BPNT2: variants seen among roughly 807,000 people sequenced by gnomAD.
BPNT2 encodes 3'(2'), 5'-bisphosphate nucleotidase 2, also known as Golgi-resident adenosine 3',5'-bisphosphate 3'-phosphatase.
BPNT2 carries 11 observed loss-of-function variants against 29.3 expected under a neutral mutation model. That is an observed-to-expected ratio of 0.38 (90% CI 0.24 to 0.62). The LOEUF (loss-of-function observed/expected upper bound fraction) is 0.62, where lower values mean the gene tolerates loss of function less well. Among genes scored for constraint, BPNT2 ranks in the 20% least tolerant of loss-of-function variants. The pLI is 0.62. For synonymous variants in BPNT2, 195 were observed against 187.7 expected (o/e 1.04, Z -0.32); for missense variants, 459 against 473.4 (o/e 0.97, Z 0.28).
At chr8:56,986,306 G>GA (rs1806326113) in intron 1 of BPNT2, among the ~76,000 whole-genome samples, 1 of 152,136 alleles carries the variant, frequency 6.6e-6, no homozygotes, top group African/African-American at 2.4e-5. Context: ...GGGGAAATAG[G>GA]AAAAATAATT....
In BPNT2 at chr8:56,966,401, A is replaced by G. The variant is rs547818894; in HGVS notation, c.647-49T>C. 5.7e-4 allele frequency: 862 copies of G among 1,519,670 alleles called. 9 individuals carry two copies. The South Asian group carries it at 7.1e-3, about 13-fold the overall frequency. 94.1% of individuals were successfully genotyped at this position (1,519,670 alleles called of 1,614,324 possible). ...TTAATGGCACTGAAGCTTTAAAACT[A>G]AAGGTTATATTCTTCAGAACCCAAA... is the stretch of plus-strand genomic sequence containing the variant. On this transcript the variant is annotated intron_variant, in intron 3 of 4. Transcript: ENST00000262644.
chr8:56,964,735 A>G (rs902975886), intron 4 of BPNT2, among the ~76,000 whole-genome samples: 1 of 152,240 alleles, frequency 6.6e-6, no homozygotes, highest in Non-Finnish European at 1.5e-5. Flanking sequence ...GGAATGACAT[A>G]TTATACACAC....
intron 4 of BPNT2, chr8:56,964,375 T>A: frequency 4.0e-6 from 1 of 247,226 alleles, no homozygotes; most frequent in Admixed American, 5.2e-5. Flanking sequence ...CTTGGCTCAC[T>A]GCAACCTCCA....
chr8:56,960,205 CCTTT>C lies in BPNT2; in HGVS notation c.*3584_*3587del, dbSNP rs1805809012. 1 of 152,184 alleles carries C rather than the reference CCTTT, an allele frequency of 6.6e-6. No homozygotes were observed. Among genetic ancestry groups the C allele is most frequent in the Non-Finnish European group, 1.5e-5 (1 of 68,044 alleles). The allele number at this position is 152,184 out of a possible 1,614,324, so 9.4% of individuals were successfully genotyped here. On this transcript the variant is annotated 3_prime_UTR_variant, in exon 5 of 5. Transcript: ENST00000262644. Reference sequence around the variant, plus strand: ...TTTTCCTTTCTGCATCGGCACTCCACCTTTCTTTACTTATGCTCAGCTATCAGAG... The same window carrying C: ...TTTTCCTTTCTGCATCGGCACTCCACCTTTACTTATGCTCAGCTATCAGAG...
chr8:56,977,176 C>T (rs755362678), intron 3 of BPNT2, among the ~76,000 whole-genome samples: 4 of 152,082 alleles, frequency 2.6e-5, no homozygotes, highest in African/African-American at 7.2e-5. Context: ...GGTCCCCAAA[C>T]GTTTCAGATA....
At chr8:56,977,276 G>A (rs192999886) in intron 3 of BPNT2, among the ~76,000 whole-genome samples, 55 of 152,132 alleles carry the variant, frequency 3.6e-4, no homozygotes, top group Non-Finnish European at 7.2e-4. Flanking sequence ...CTAAAATCAA[G>A]GGGTCAGCAG....
At chr8:56,991,242 T>C (rs956719855) in intron 1 of BPNT2, among the ~76,000 whole-genome samples, 26 of 152,240 alleles carry the variant, frequency 1.7e-4, no homozygotes, top group Non-Finnish European at 2.9e-4. Context: ...CCTTCAGTCA[T>C]GACCCAACAT....
chr8:56,991,774 C>T (rs1345900857), intron 1 of BPNT2, among the ~76,000 whole-genome samples: 1 of 152,168 alleles, frequency 6.6e-6, no homozygotes, highest in Non-Finnish European at 1.5e-5. Flanking sequence ...TAAATAGCAA[C>T]TTCTCTGAAT....
In BPNT2 at chr8:56,966,274, G is replaced by C. The variant is rs953424431; in HGVS notation, c.725C>G (p.Ser242Cys). Residue 242 changes from serine (S) to cysteine (C), a missense_variant, in exon 4 of 5, where the codon TCT becomes TGT. Transcript: ENST00000262644. ...TTTGACCATCCCTGAATGGGAACGA[G>C]ACACAACGATCCTTGGGGTCTTCTC... The part of the protein sequence containing the change: ...YNEKTPRIVV[S>C]RSHSGMVKQV... The C allele has an allele frequency of 6.2e-7, 1 of 1,613,770 alleles. No homozygotes were observed. Among genetic ancestry groups the C allele is most frequent in the Non-Finnish European group, 8.5e-7 (1 of 1,179,790 alleles).
chr8:56,967,137 T>C (rs937204355), intron 3 of BPNT2: 1 of 456,108 alleles, frequency 2.2e-6, no homozygotes, highest in African/African-American at 2.0e-5. Context: ...AGATTGTTGT[T>C]TTAGCAGTCA....
intron 1 of BPNT2, among the ~76,000 whole-genome samples, chr8:56,990,694 C>A (rs911829158): frequency 5.3e-5 from 8 of 152,112 alleles, no homozygotes; most frequent in Non-Finnish European, 8.8e-5. Flanking sequence ...CTACTAGATG[C>A]CAGTAGCATC....
chr8:56,970,533 T>A (rs1347630417), intron 3 of BPNT2, among the ~76,000 whole-genome samples: 1 of 152,178 alleles, frequency 6.6e-6, no homozygotes, highest in Admixed American at 6.5e-5. Context: ...TAACAACCTA[T>A]CAACCAAAAT....
rs1342142733 is a variant in BPNT2, at chr8:56,959,919, T to C, written c.*3874A>G. 2 of 152,220 alleles carry C rather than the reference T, an allele frequency of 1.3e-5. No homozygotes were observed. Among genetic ancestry groups the C allele is most frequent in the Non-Finnish European group, 2.9e-5 (2 of 68,042 alleles). The allele number at this position is 152,220 out of a possible 1,614,324, so 9.4% of individuals were successfully genotyped here. ...CAATGCCCTATTGTTAAGGCACAAC[T>C]TTTTTTAGATTAAAAATGAAACCAT... On this transcript the variant is annotated 3_prime_UTR_variant, in exon 5 of 5. Coordinates refer to ENST00000262644, the MANE Select transcript of BPNT2 (RefSeq NM_017813.5).
chr8:56,993,783 C>G lies in BPNT2; in HGVS notation c.-198G>C. On this transcript the variant is annotated 5_prime_UTR_variant, in exon 1 of 5. Transcript: ENST00000262644. ...CGCGAAGACCACCAACGCCGCCCCG[C>G]GCGCCTGACTCGCCAGGCAGCGCGC... 1 of 677,900 alleles carries G rather than the reference C, an allele frequency of 1.5e-6. No individual in the cohort carries two copies. The highest frequency in any genetic ancestry group is 1.8e-6 in the Non-Finnish European group (1 of 546,154). 42.0% of individuals were successfully genotyped at this position (677,900 alleles called of 1,614,324 possible). A position where few individuals can be genotyped will look rare whatever the true frequency, so the allele number is the denominator to read the frequency against.
At chr8:56,993,112 A>G in intron 1 of BPNT2, 87 bp downstream of exon 1, 6 of 1,533,040 alleles carry the variant, frequency 3.9e-6, no homozygotes, top group Non-Finnish European at 5.2e-6. Context: ...AAATGGAACC[A>G]GAAGCTCCAC....
In BPNT2 at chr8:56,963,874, C is replaced by G. The variant is rs375887598; in HGVS notation, c.999G>C (p.Gly333=). ...ISYTGSDGIE[G]GLLASIRMNH... is the part of the protein sequence containing the mutation. ...TCATTCTGATGCTAGCAAGGAGTCCCCCTTCAATGCCGTCTGAACCAGTGT... is the reference window on the plus strand; with the variant it reads ...TCATTCTGATGCTAGCAAGGAGTCCGCCTTCAATGCCGTCTGAACCAGTGT... Residue 333 remains glycine, a synonymous_variant, in exon 5 of 5, where the codon GGG becomes GGC. Transcript: ENST00000262644. The G allele has an allele frequency of 1.2e-6, 2 of 1,613,926 alleles. No homozygotes were observed. The highest frequency in any genetic ancestry group is 2.7e-5 in the African/African-American group (2 of 74,902).
intron 1 of BPNT2, among the ~76,000 whole-genome samples, chr8:56,983,534 G>A (rs558126203): frequency 7.4e-4 from 112 of 152,220 alleles, no homozygotes; most frequent in African/African-American, 2.7e-3. Flanking sequence ...GCAACACAGA[G>A]CCAGTTGCCC....
At position 56,961,638 on chromosome 8, in the gene BPNT2, GACCAGCCTGACCAACATGGAGAA is replaced by G. The variant is rs1805836722; in HGVS notation, c.*2132_*2154del. On this transcript the variant is annotated 3_prime_UTR_variant, in exon 5 of 5. Transcript: ENST00000262644. ...GGATCACCTGAGGTCGGGAGTTCGA[GACCAGCCTGACCAACATGGAGAA>G]ACCCTGTCTCTAACAAAAATACAAA... 1 of 152,102 alleles carries G rather than the reference GACCAGCCTGACCAACATGGAGAA, an allele frequency of 6.6e-6. No individual in the cohort carries two copies. Among genetic ancestry groups the G allele is most frequent in the African/African-American group, 2.4e-5 (1 of 41,398 alleles). 9.4% of individuals were successfully genotyped at this position (152,102 alleles called of 1,614,324 possible).
chr8:56,984,161 A>G (rs1460134507), intron 1 of BPNT2, among the ~76,000 whole-genome samples: 5 of 152,226 alleles, frequency 3.3e-5, no homozygotes, highest in Admixed American at 6.5e-5. Context: ...GCACAATTCA[A>G]GTCAGCTTCT....
Sources: allele counts gnomAD v4.1 joint callset (sites outside exome capture counted in the v4.1 genomes callset), GRCh38; gene constraint gnomAD v4.1.1; transcripts MANE v1.5; gene names NCBI Gene and HGNC (gene_info 2026-07-23, HGNC 2026-07-21).